Variants in RBPJ observed in about 807,000 individuals in gnomAD.
RBPJ encodes the protein recombining binding protein suppressor of hairless.
In RBPJ, 9 loss-of-function variants were observed where a neutral mutation model predicts 67.8. The ratio of observed to expected loss-of-function variants is 0.13; its 90% CI spans 0.08 to 0.23. RBPJ has a LOEUF of 0.23. RBPJ is among the 10% of genes least tolerant of loss of function. The probability of loss-of-function intolerance (pLI) is 1.00; values close to 1 mark genes in which losing one functional copy is unlikely to be tolerated. For missense variants in RBPJ, 305 were observed against 595.6 expected (o/e 0.51, Z 5.08); for synonymous variants, 198 against 203.3 (o/e 0.97, Z 0.22).
intron 1 of RBPJ, among the ~76,000 whole-genome samples, chr4:26,179,452 A>C (rs760361085): frequency 6.6e-6 from 1 of 151,942 alleles, no homozygotes; most frequent in Non-Finnish European, 1.5e-5. Flanking sequence ...TCCCCCATGC[A>C]TTCCTAGAGT....
upstream of RBPJ, among the ~76,000 whole-genome samples, chr4:26,315,633 G>A (rs562621070): frequency 3.3e-5 from 5 of 152,208 alleles, no homozygotes; most frequent in East Asian, 1.9e-4. Context: ...AACAGGGTTC[G>A]AGAGCAGAGA....
At chr4:26,308,899 A>G (rs1722334843) in intron 1 of RBPJ, among the ~76,000 whole-genome samples, 1 of 152,244 alleles carries the variant, frequency 6.6e-6, no homozygotes, top group Non-Finnish European at 1.5e-5. Flanking sequence ...AAGAAAATAA[A>G]GGGATCTTTT....
chr4:26,189,716 T>C (rs1457343485), intron 1 of RBPJ, among the ~76,000 whole-genome samples: 2 of 152,146 alleles, frequency 1.3e-5, no homozygotes, highest in South Asian at 2.1e-4. Flanking sequence ...TTTGATAAAA[T>C]CTCATGGAAT....
intron 1 of RBPJ, among the ~76,000 whole-genome samples, chr4:26,290,696 A>G (rs1056459667): frequency 2.0e-5 from 3 of 150,914 alleles, no homozygotes; most frequent in African/African-American, 7.3e-5. Flanking sequence ...CTTCAGCGAT[A>G]ACATGCCTTC....
intron 1 of RBPJ, among the ~76,000 whole-genome samples, chr4:26,245,763 A>T (rs1474887099): frequency 6.6e-6 from 1 of 152,138 alleles, no homozygotes; most frequent in Non-Finnish European, 1.5e-5. Flanking sequence ...TAGGGGTCCA[A>T]CTTCATCCTT....
At chr4:26,116,243 T>G in the RBPJ span, among the ~76,000 whole-genome samples, 1 of 152,258 alleles carries the variant, frequency 6.6e-6, no homozygotes, top group Admixed American at 6.5e-5. Context: ...GCTGACAGGT[T>G]GTCAAACCAA....
chr4:26,252,001 A>G (rs1041966604), intron 1 of RBPJ, among the ~76,000 whole-genome samples: 1 of 152,104 alleles, frequency 6.6e-6, no homozygotes, highest in Non-Finnish European at 1.5e-5. Context: ...ATGTTCTAAT[A>G]GCTTTGTTTG....
intron 1 of RBPJ, among the ~76,000 whole-genome samples, chr4:26,231,061 A>C (rs1164479645): frequency 1.3e-5 from 2 of 152,218 alleles, no homozygotes; most frequent in Admixed American, 6.5e-5. Flanking sequence ...TTCTGAACAT[A>C]AAAATGTGGA....
the RBPJ span, among the ~76,000 whole-genome samples, chr4:26,120,665 C>T: frequency 6.7e-6 from 1 of 149,500 alleles, no homozygotes; most frequent in Non-Finnish European, 1.5e-5. Flanking sequence ...TCCTAATAGC[C>T]ATATGTCAGC....
At chr4:26,324,442 G>A (rs1197571112) in intron 1 of RBPJ, among the ~76,000 whole-genome samples, 1 of 151,754 alleles carries the variant, frequency 6.6e-6, no homozygotes, top group East Asian at 1.9e-4. Flanking sequence ...AGAGATTGAA[G>A]TTCTGTCAAA....
intron 2 of RBPJ, among the ~76,000 whole-genome samples, chr4:26,403,636 T>C (rs1431424021): frequency 1.3e-5 from 2 of 152,216 alleles, no homozygotes; most frequent in African/African-American, 2.4e-5. Flanking sequence ...ACATGCGATA[T>C]TTGTTTTTTT....
At chr4:26,287,794 G>A (rs1721532945) in intron 1 of RBPJ, among the ~76,000 whole-genome samples, 1 of 147,878 alleles carries the variant, frequency 6.8e-6, no homozygotes, top group Non-Finnish European at 1.5e-5. Flanking sequence ...AAGATGGAAG[G>A]AAGGAAGGGA....
At chr4:26,386,297 G>A (rs766904335) in intron 1 of RBPJ, 56 bp from the exon 2 acceptor site, 13 of 1,234,870 alleles carry the variant, frequency 1.1e-5, no homozygotes, top group Non-Finnish European at 1.5e-5. Flanking sequence ...AAAGCTTTCT[G>A]TAGAGTGTAT....
At chr4:26,253,993 A>G (rs1366083475) in intron 1 of RBPJ, among the ~76,000 whole-genome samples, 1 of 148,878 alleles carries the variant, frequency 6.7e-6, no homozygotes, top group Non-Finnish European at 1.5e-5. Context: ...TGTTTTACTC[A>G]TACATTTTTT....
upstream of RBPJ, among the ~76,000 whole-genome samples, chr4:26,316,195 C>G (rs2109311156): frequency 6.6e-6 from 1 of 151,268 alleles, no homozygotes. Flanking sequence ...TTATCTTCCT[C>G]TGCAGTGGCT....
chr4:26,293,153 C>T (rs890746488), intron 1 of RBPJ, among the ~76,000 whole-genome samples: 2 of 150,176 alleles, frequency 1.3e-5, no homozygotes, highest in East Asian at 4.0e-4. Context: ...GGTCCTTCTA[C>T]TGCATAACCC....
the RBPJ span, among the ~76,000 whole-genome samples, chr4:26,146,497 GT>G: frequency 6.6e-6 from 1 of 152,170 alleles, no homozygotes; most frequent in South Asian, 2.1e-4. Flanking sequence ...AGATTTCATA[GT>G]TATGACACCC....
intron 1 of RBPJ, among the ~76,000 whole-genome samples, chr4:26,239,369 C>T (rs16878198): frequency 0.025 from 3,845 of 152,212 alleles, 127 homozygotes; most frequent in African/African-American, 0.074. Context: ...TTCTTGGTTA[C>T]TGAAGAGAAA....
At chr4:26,294,909 G>C (rs1198922142) in intron 1 of RBPJ, among the ~76,000 whole-genome samples, 1 of 152,038 alleles carries the variant, frequency 6.6e-6, no homozygotes, top group African/African-American at 2.4e-5. Flanking sequence ...TGTGGGCATA[G>C]TTTAACAATA....
Sources: gnomAD v4.1 joint callset for allele counts (sites outside exome capture counted in the v4.1 genomes callset) on GRCh38, gnomAD v4.1.1 for gene constraint, MANE v1.5 for transcripts, NCBI Gene and HGNC (gene_info 2026-07-23, HGNC 2026-07-21) for gene names.